The following DLG2 variants were observed in gnomAD, a reference collection of about 807,000 sequenced individuals.
DLG2 encodes disks large homolog 2.
DLG2 carries 45 observed loss-of-function variants against 132.5 expected under a neutral mutation model. That is an observed-to-expected ratio of 0.34 (90% CI 0.27 to 0.44). The LOEUF is 0.44. Ranked by LOEUF, DLG2 falls within the 20% of genes least tolerant of loss-of-function variation. The pLI, the probability that DLG2 is intolerant of heterozygous loss-of-function variation, is 1.00. For synonymous variants in DLG2, 424 were observed against 419.6 expected, an observed-to-expected ratio of 1.01 and a Z score of -0.13; for missense variants, 1,045 against 1,196.9, an observed-to-expected ratio of 0.87 and a Z score of 1.87.
At chr11:84,819,692 T>G (rs183448773) in intron 6 of DLG2, among the ~76,000 whole-genome samples, 10 of 152,018 alleles carry the variant, frequency 6.6e-5, no homozygotes, top group Admixed American at 2.6e-4. Context: ...AAACCTCAGA[T>G]AGCTGAGTTA....
intron 19 of DLG2, among the ~76,000 whole-genome samples, chr11:83,557,980 G>A (rs1002756356): frequency 2.6e-5 from 4 of 152,112 alleles, no homozygotes; most frequent in Non-Finnish European, 5.9e-5. Context: ...AGAAGATGGA[G>A]TTACCAACTC....
At chr11:84,974,778 C>A in intron 6 of DLG2, among the ~76,000 whole-genome samples, 1 of 152,138 alleles carries the variant, frequency 6.6e-6, no homozygotes, top group East Asian at 1.9e-4. Flanking sequence ...GGGGTTAGGA[C>A]CCAGGAATTT....
chr11:83,737,157 G>C (rs1158949169), intron 18 of DLG2, among the ~76,000 whole-genome samples: 1 of 152,170 alleles, frequency 6.6e-6, no homozygotes, highest in African/African-American at 2.4e-5. Flanking sequence ...TAGAACAAAA[G>C]GGTTTAGAAG....
intron 8 of DLG2, among the ~76,000 whole-genome samples, chr11:84,170,973 C>T (rs1431273209): frequency 6.6e-6 from 1 of 152,082 alleles, no homozygotes; most frequent in Non-Finnish European, 1.5e-5. Flanking sequence ...ATATCTCTGT[C>T]TTATCTCTTC....
chr11:84,734,326 T>C (rs983413821), intron 6 of DLG2, among the ~76,000 whole-genome samples: 3 of 152,178 alleles, frequency 2.0e-5, no homozygotes, highest in Non-Finnish European at 2.9e-5. Context: ...AGCAGTGGTT[T>C]GCAGTTCTCC....
intron 6 of DLG2, among the ~76,000 whole-genome samples, chr11:85,091,829 T>A (rs2068833589): frequency 6.6e-6 from 1 of 152,204 alleles, no homozygotes; most frequent in African/African-American, 2.4e-5. Context: ...TGCAGTTACT[T>A]CCTCCACTAA....
chr11:84,765,348 C>G (rs1267165616), intron 6 of DLG2, among the ~76,000 whole-genome samples: 1 of 152,036 alleles, frequency 6.6e-6, no homozygotes, highest in East Asian at 1.9e-4. Context: ...CTACTAATGA[C>G]ATAAGCAACG....
At chr11:85,401,141 T>A (rs2088051325) in intron 3 of DLG2, among the ~76,000 whole-genome samples, 1 of 151,990 alleles carries the variant, frequency 6.6e-6, no homozygotes, top group Non-Finnish European at 1.5e-5. Flanking sequence ...TTATCCAACA[T>A]GATCAAGTGG....
intron 11 of DLG2, among the ~76,000 whole-genome samples, chr11:84,050,497 C>T (rs377669859): frequency 1.9e-4 from 29 of 151,798 alleles, no homozygotes; most frequent in African/African-American, 4.8e-4. Flanking sequence ...TAGTTTCTTT[C>T]GCTGTGCAGA....
intron 3 of DLG2, among the ~76,000 whole-genome samples, chr11:85,593,998 AAAG>A (rs2079554393): frequency 6.6e-6 from 1 of 152,180 alleles, no homozygotes; most frequent in Non-Finnish European, 1.5e-5. Flanking sequence ...GGTATTTTTA[AAAG>A]AAGTGTTGAT....
intron 6 of DLG2, among the ~76,000 whole-genome samples, chr11:84,816,462 C>T (rs1009154540): frequency 2.6e-5 from 4 of 151,674 alleles, no homozygotes; most frequent in African/African-American, 4.8e-5. Flanking sequence ...TCTTCTTTTC[C>T]ACATGGTCTC....
intron 7 of DLG2, among the ~76,000 whole-genome samples, chr11:84,435,820 T>C (rs1478039562): frequency 6.6e-6 from 1 of 152,084 alleles, no homozygotes; most frequent in Non-Finnish European, 1.5e-5. Context: ...ATTTCCTACA[T>C]TTGGGTCCAG....
intron 18 of DLG2, among the ~76,000 whole-genome samples, chr11:83,634,229 T>TA (rs989378690): frequency 6.6e-6 from 1 of 152,116 alleles, no homozygotes; most frequent in Non-Finnish European, 1.5e-5. Context: ...GTTATGGGGA[T>TA]AAAAAAATCA....
chr11:83,649,516 A>G (rs2069376031), intron 18 of DLG2, among the ~76,000 whole-genome samples: 1 of 152,146 alleles, frequency 6.6e-6, no homozygotes, highest in Non-Finnish European at 1.5e-5. Flanking sequence ...ATTGAAGGGG[A>G]TGAGGCAGGA....
intron 6 of DLG2, among the ~76,000 whole-genome samples, chr11:84,803,813 C>G (rs965169418): frequency 2.0e-4 from 31 of 152,126 alleles, no homozygotes; most frequent in African/African-American, 7.2e-4. Flanking sequence ...TTTTATTGTC[C>G]TTAAGGCATG....
intron 3 of DLG2, among the ~76,000 whole-genome samples, chr11:85,479,863 C>T (rs2093244773): frequency 6.6e-6 from 1 of 152,186 alleles, no homozygotes; most frequent in African/African-American, 2.4e-5. Context: ...AATGTCTTCA[C>T]ATTGTCTTCT....
intron 3 of DLG2, among the ~76,000 whole-genome samples, chr11:85,362,772 T>A (rs977945306): frequency 6.6e-6 from 1 of 152,272 alleles, no homozygotes; most frequent in Admixed American, 6.5e-5. Context: ...TTTTTGAAAT[T>A]ATTGAATAAA....
At chr11:83,994,268 C>A (rs985827147) in intron 11 of DLG2, among the ~76,000 whole-genome samples, 3 of 152,160 alleles carry the variant, frequency 2.0e-5, no homozygotes, top group Admixed American at 2.0e-4. Context: ...GTGATATGCA[C>A]AAATATGTTG....
At chr11:84,745,247 G>T (rs1565851539) in intron 6 of DLG2, among the ~76,000 whole-genome samples, 1 of 152,174 alleles carries the variant, frequency 6.6e-6, no homozygotes, top group African/African-American at 2.4e-5. Flanking sequence ...TGGAAGTGGG[G>T]TCTGGTGGGA....
Sources: gnomAD v4.1 joint callset for allele counts (sites outside exome capture counted in the v4.1 genomes callset) on GRCh38, gnomAD v4.1.1 for gene constraint, MANE v1.5 for transcripts, NCBI Gene and HGNC (gene_info 2026-07-23, HGNC 2026-07-21) for gene names.